Variants in PPP1CB observed in about 807,000 individuals in gnomAD.
The protein encoded by PPP1CB is serine/threonine-protein phosphatase PP1-beta catalytic subunit.
In PPP1CB, 2 loss-of-function variants were observed where a neutral mutation model predicts 43.7. The observed-to-expected ratio is 0.05, with a 90% CI of 0.02 to 0.14. PPP1CB has a LOEUF of 0.14. PPP1CB is among the 10% of genes least tolerant of loss of function. PPP1CB has a pLI of 1.00. For missense variants in PPP1CB, 84 were observed against 398.0 expected (o/e 0.21, Z 6.71); for synonymous variants, 136 against 135.6 (o/e 1.00, Z -0.02).
intron 5 of PPP1CB, among the ~76,000 whole-genome samples, chr2:28,785,536 G>A (rs963945889): frequency 7.9e-5 from 12 of 151,912 alleles, no homozygotes; most frequent in Non-Finnish European, 1.6e-4. Context: ...TTTAGGCCTG[G>A]TGCACTAGTT....
chr2:28,785,236 G>A (rs1003918052), intron 5 of PPP1CB, among the ~76,000 whole-genome samples: 2 of 151,028 alleles, frequency 1.3e-5, no homozygotes, highest in Admixed American at 1.3e-4. Flanking sequence ...CACCACACCC[G>A]GCCAATTTTT....
chr2:28,768,937 G>A (rs932890291), intron 1 of PPP1CB, among the ~76,000 whole-genome samples: 1 of 151,984 alleles, frequency 6.6e-6, no homozygotes, highest in South Asian at 2.1e-4. Flanking sequence ...AGAGGAGATA[G>A]ACATACAATG....
chr2:28,791,126 C>T (rs961009470), intron 6 of PPP1CB, among the ~76,000 whole-genome samples: 23 of 152,118 alleles, frequency 1.5e-4, no homozygotes, highest in Non-Finnish European at 2.6e-4. Flanking sequence ...CAGTACTTCC[C>T]TTTCTTTCTG....
At chr2:28,760,939 T>C (rs1666628909) in intron 1 of PPP1CB, among the ~76,000 whole-genome samples, 1 of 152,146 alleles carries the variant, frequency 6.6e-6, no homozygotes, top group Non-Finnish European at 1.5e-5. Flanking sequence ...CTCACACTGT[T>C]GTCCAGGCTG....
intron 1 of PPP1CB, among the ~76,000 whole-genome samples, chr2:28,753,206 T>G (rs1207888138): frequency 9.1e-6 from 1 of 109,726 alleles, no homozygotes; most frequent in East Asian, 2.7e-4. Flanking sequence ...TTTAAACAAT[T>G]TAGAGGCCTC....
chr2:28,798,901 ACT>A (rs574120693), intron 7 of PPP1CB, among the ~76,000 whole-genome samples: 30 of 152,122 alleles, frequency 2.0e-4, no homozygotes, highest in African/African-American at 7.2e-4. Context: ...AGATCTTCTG[ACT>A]CTTAAACCAG....
At chr2:28,798,414 C>T (rs185390821) in intron 7 of PPP1CB, among the ~76,000 whole-genome samples, 5 of 152,146 alleles carry the variant, frequency 3.3e-5, no homozygotes, top group Admixed American at 3.3e-4. Flanking sequence ...TGCATTATTC[C>T]TTATAGCCGA....
intron 3 of PPP1CB, 110 bp from the exon 4 acceptor site, chr2:28,781,628 A>G: frequency 1.3e-6 from 1 of 770,256 alleles, no homozygotes; most frequent in Non-Finnish European, 2.1e-6. Flanking sequence ...CTTTATAGAT[A>G]AACATGAAGA....
chr2:28,765,253 A>G (rs1558299283), intron 1 of PPP1CB, among the ~76,000 whole-genome samples: 1 of 152,218 alleles, frequency 6.6e-6, no homozygotes, highest in Non-Finnish European at 1.5e-5. Flanking sequence ...GTTCTCTGTC[A>G]TCAAAACTGA....
intron 5 of PPP1CB, among the ~76,000 whole-genome samples, chr2:28,787,420 C>G (rs1404618397): frequency 1.3e-5 from 2 of 152,242 alleles, no homozygotes; most frequent in African/African-American, 2.4e-5. Flanking sequence ...GATTGCACCA[C>G]TGCATCCCAG....
chr2:28,790,223 G>A (rs1051852329), intron 6 of PPP1CB, among the ~76,000 whole-genome samples: 4 of 152,206 alleles, frequency 2.6e-5, no homozygotes, highest in Admixed American at 6.5e-5. Context: ...AGAGGTTGCA[G>A]TGAGTGTAGA....
chr2:28,798,443 A>G (rs1667540592), intron 7 of PPP1CB, among the ~76,000 whole-genome samples: 1 of 152,134 alleles, frequency 6.6e-6, no homozygotes, highest in Non-Finnish European at 1.5e-5. Context: ...CACAATTCAG[A>G]TGTCCATCAG....
At chr2:28,756,978 G>T (rs1666504244) in intron 1 of PPP1CB, among the ~76,000 whole-genome samples, 1 of 152,102 alleles carries the variant, frequency 6.6e-6, no homozygotes. Context: ...TCACCACAGT[G>T]AACTGTATAA....
intron 1 of PPP1CB, among the ~76,000 whole-genome samples, chr2:28,774,714 C>T (rs915270543): frequency 6.6e-6 from 1 of 152,182 alleles, no homozygotes; most frequent in Non-Finnish European, 1.5e-5. Context: ...GCATGAGCCA[C>T]CGCACCTGGT....
At chr2:28,754,728 TG>T (rs781098613) in intron 1 of PPP1CB, among the ~76,000 whole-genome samples, 7 of 152,226 alleles carry the variant, frequency 4.6e-5, no homozygotes, top group Non-Finnish European at 7.3e-5. Context: ...TTTGTCCACC[TG>T]GATTTTCAGT....
chr2:28,792,806 C>T (rs1043197200), intron 6 of PPP1CB, among the ~76,000 whole-genome samples: 1 of 151,926 alleles, frequency 6.6e-6, no homozygotes, highest in African/African-American at 2.4e-5. Flanking sequence ...TCTTGCCCAC[C>T]GTAAATAAAT....
intron 1 of PPP1CB, among the ~76,000 whole-genome samples, chr2:28,757,222 T>C (rs1420357762): frequency 6.6e-6 from 1 of 152,270 alleles, no homozygotes; most frequent in Non-Finnish European, 1.5e-5. Context: ...TTATTCCTTT[T>C]ATGGCTGAAT....
At chr2:28,753,765 ACT>A (rs1159434980) in intron 1 of PPP1CB, among the ~76,000 whole-genome samples, 1 of 151,650 alleles carries the variant, frequency 6.6e-6, no homozygotes, top group Non-Finnish European at 1.5e-5. Flanking sequence ...ACGGAGTCTC[ACT>A]CTGTCGCCCA....
At chr2:28,771,287 G>A (rs1666908430) in intron 1 of PPP1CB, among the ~76,000 whole-genome samples, 1 of 151,946 alleles carries the variant, frequency 6.6e-6, no homozygotes, top group Non-Finnish European at 1.5e-5. Context: ...CTGACCTCAG[G>A]TGATCCACCC....
Sources: allele counts gnomAD v4.1 joint callset (sites outside exome capture counted in the v4.1 genomes callset), GRCh38; gene constraint gnomAD v4.1.1; transcripts MANE v1.5; gene names NCBI Gene and HGNC (gene_info 2026-07-23, HGNC 2026-07-21).